SMARCA2: variants seen among roughly 807,000 people sequenced by gnomAD.
SMARCA2 encodes SWI/SNF-related matrix-associated actin-dependent regulator of chromatin subfamily A member 2.
SMARCA2 carries 61 observed loss-of-function variants against 199.8 expected under a neutral mutation model. The ratio of observed to expected loss-of-function variants is 0.31; its 90% confidence interval spans 0.25 to 0.38. SMARCA2 has a LOEUF of 0.38. Among genes scored for constraint, SMARCA2 ranks in the 10% least tolerant of loss-of-function variants. The probability of loss-of-function intolerance (pLI) is 1.00; values close to 1 mark genes in which losing one functional copy is unlikely to be tolerated. For missense variants in SMARCA2, 1,344 were observed against 2,012.2 expected, an observed-to-expected ratio of 0.67 and a Z score of 6.35; for synonymous variants, 935 against 732.0, an observed-to-expected ratio of 1.28 and a Z score of -4.48.
chr9:2,189,686 C>T (rs1827744797), intron 32 of SMARCA2, among the ~76,000 whole-genome samples: 2 of 151,950 alleles, frequency 1.3e-5, no homozygotes, highest in Admixed American at 6.6e-5. Flanking sequence ...CACCTTATAG[C>T]TTGTCAAGCA....
chr9:2,148,411 C>A (rs183971536), intron 27 of SMARCA2, among the ~76,000 whole-genome samples: 1 of 151,420 alleles, frequency 6.6e-6, no homozygotes, highest in Admixed American at 6.6e-5. Flanking sequence ...TATTGACTAT[C>A]AGTTGTATAC....
At chr9:2,068,149 A>G (rs1009180930) in intron 9 of SMARCA2, among the ~76,000 whole-genome samples, 1 of 152,192 alleles carries the variant, frequency 6.6e-6, no homozygotes, top group Admixed American at 6.5e-5. Flanking sequence ...CAAAAATGGA[A>G]CCTTCAGTGA....
intron 26 of SMARCA2, among the ~76,000 whole-genome samples, chr9:2,121,307 A>C (rs1823449439): frequency 6.6e-6 from 1 of 152,248 alleles, no homozygotes; most frequent in African/African-American, 2.4e-5. Context: ...ACAGGGTTGT[A>C]ACACAGGTGA....
At chr9:2,186,018 G>T in intron 31 of SMARCA2, 78 bp from the exon 32 acceptor site, 2 of 1,335,554 alleles carry the variant, frequency 1.5e-6, no homozygotes, top group Non-Finnish European at 2.1e-6. Flanking sequence ...GAATTAAGCT[G>T]GTGTATTGCA....
At position 2,152,989 on chromosome 9, in the gene SMARCA2, TAA is replaced by T. The variant is rs145631652; in HGVS notation, c.3982-8695_3982-8694del. Among the ~76,000 whole-genome samples the T allele has an allele frequency of 5.2e-3, 792 of 152,198 alleles. 9 individuals carry two copies. Among genetic ancestry groups the T allele is most frequent in the African/African-American group, 0.018 (742 of 41,532 alleles). On this transcript the variant is annotated intron_variant, in intron 27 of 33. Transcript: ENST00000349721. ...ATTGGTGAAGGTGAACTTACCCACA[TAA>T]ATGAGGGATGTGGCTATCAAGAAAA...
At chr9:2,070,297 T>A in intron 9 of SMARCA2, 121 bp from the exon 10 acceptor site, 1 of 788,652 alleles carries the variant, frequency 1.3e-6, no homozygotes, top group Non-Finnish European at 2.2e-6. Flanking sequence ...CATTAACACT[T>A]AAGCTGTGTT....
At chr9:2,156,111 C>T (rs921178522) in intron 27 of SMARCA2, among the ~76,000 whole-genome samples, 3 of 152,194 alleles carry the variant, frequency 2.0e-5, no homozygotes, top group Non-Finnish European at 4.4e-5. Context: ...TATTTTCTTA[C>T]ATCATGGATA....
intron 16 of SMARCA2, among the ~76,000 whole-genome samples, chr9:2,083,823 A>G (rs895002103): frequency 1.6e-4 from 24 of 152,296 alleles, no homozygotes; most frequent in African/African-American, 4.8e-4. Flanking sequence ...TGGGTTCTCT[A>G]CTACCACAAA....
At chr9:2,139,565 T>C (rs1824368599) in intron 27 of SMARCA2, among the ~76,000 whole-genome samples, 1 of 152,154 alleles carries the variant, frequency 6.6e-6, no homozygotes, top group Non-Finnish European at 1.5e-5. Context: ...GGGTTACTGG[T>C]ATATATTTTT....
intron 18 of SMARCA2, 62 bp downstream of exon 18, chr9:2,087,133 A>G (rs1821834105): frequency 6.3e-7 from 1 of 1,593,292 alleles, no homozygotes; most frequent in African/African-American, 1.3e-5. Flanking sequence ...AAGGCCCTAA[A>G]GCTGAGAACA....
At chr9:2,138,803 T>C (rs549435394) in intron 27 of SMARCA2, among the ~76,000 whole-genome samples, 17 of 152,314 alleles carry the variant, frequency 1.1e-4, no homozygotes, top group African/African-American at 3.4e-4. Flanking sequence ...TCTCCAGCTT[T>C]GCCTTTGGCG....
intron 27 of SMARCA2, among the ~76,000 whole-genome samples, chr9:2,145,030 T>C (rs1324674163): frequency 6.6e-6 from 1 of 152,192 alleles, no homozygotes. Flanking sequence ...CTGGTTATGG[T>C]GGCTCATGCC....
intron 29 of SMARCA2, among the ~76,000 whole-genome samples, chr9:2,176,182 G>GTTTTTTTTTTTTTTGTTTTTTTTTTT (rs1554642562): frequency 1.9e-5 from 2 of 104,160 alleles, no homozygotes; most frequent in African/African-American, 7.5e-5. Context: ...CGCCCGGCCT[G>GTTTTTTTTTTTTTTGTTTTTTTTTTT]TTTTTTTTTT....
intron 30 of SMARCA2, 123 bp downstream of exon 30, chr9:2,181,799 G>GT: frequency 1.6e-6 from 1 of 644,702 alleles, no homozygotes. Context: ...GACAGGAAAG[G>GT]TTGGGATGTC....
chr9:2,074,952 G>A (rs1586676872), intron 12 of SMARCA2: 3 of 152,336 alleles, frequency 2.0e-5, no homozygotes, highest in South Asian at 4.1e-4. Flanking sequence ...ATTTAAAGGT[G>A]TCTTGTTTAC....
chr9:2,069,552 C>CT (rs1314641922), intron 9 of SMARCA2, among the ~76,000 whole-genome samples: 1 of 148,862 alleles, frequency 6.7e-6, no homozygotes, highest in Non-Finnish European at 1.5e-5. Flanking sequence ...GAGCAAGACT[C>CT]TGTCTCAAAA....
At chr9:2,158,428 CTT>C (rs1238265682) in intron 27 of SMARCA2, 1 of 153,012 alleles carries the variant, frequency 6.5e-6, no homozygotes, top group Non-Finnish European at 1.5e-5. Context: ...TATTTGTACA[CTT>C]TTTTTCCCCG....
At chr9:2,150,686 T>C (rs1377120345) in intron 27 of SMARCA2, among the ~76,000 whole-genome samples, 1 of 151,650 alleles carries the variant, frequency 6.6e-6, no homozygotes, top group Non-Finnish European at 1.5e-5. Context: ...TTACCCTATG[T>C]AATAGTTTGC....
At chr9:2,061,285 C>T (rs967237009) in intron 9 of SMARCA2, among the ~76,000 whole-genome samples, 1 of 152,072 alleles carries the variant, frequency 6.6e-6, no homozygotes, top group Non-Finnish European at 1.5e-5. Flanking sequence ...GAAAAACAGA[C>T]ACAAATAAGT....
Sources: allele counts gnomAD v4.1 joint callset (sites outside exome capture counted in the v4.1 genomes callset), GRCh38; gene constraint gnomAD v4.1.1; transcripts MANE v1.5; gene names NCBI Gene and HGNC (gene_info 2026-07-23, HGNC 2026-07-21).